Variants in PPP4R1 observed in about 807,000 individuals in gnomAD.
The protein encoded by PPP4R1 is protein phosphatase 4 regulatory subunit 1, also known as serine/threonine-protein phosphatase 4 regulatory subunit 1.
A neutral mutation model predicts 111.2 loss-of-function variants in PPP4R1; 42 were observed. That is an observed-to-expected ratio of 0.38 (90% confidence interval 0.29 to 0.49). The LOEUF (loss-of-function observed/expected upper bound fraction) is 0.49, where lower values mean the gene tolerates loss of function less well. Ranked by LOEUF, PPP4R1 falls within the 20% of genes least tolerant of loss-of-function variation. PPP4R1 has a pLI of 0.97. For missense variants in PPP4R1, 1,012 were observed against 1,161.6 expected, an observed-to-expected ratio of 0.87 and a Z score of 1.87; for synonymous variants, 409 against 405.5, an observed-to-expected ratio of 1.01 and a Z score of -0.10.
Position 9,547,741 on chromosome 18 carries a change from G to A in PPP4R1, c.*48C>T. On this transcript the variant is annotated 3_prime_UTR_variant, in exon 20 of 20. Coordinates refer to ENST00000400556, the MANE Select transcript of PPP4R1 (RefSeq NM_001042388.3). The stretch of plus-strand genomic sequence containing the variant: ...GTCACATGCGTGGCGAATGCCCACT[G>A]AACCTCGGCTCTCATGGAAGCAGGA... 2.5e-6 allele frequency: 4 copies of A among 1,602,444 alleles called. No individual in the cohort carries two copies. Among genetic ancestry groups the A allele is most frequent in the Non-Finnish European group, 3.4e-6 (4 of 1,171,752 alleles).
intron 6 of PPP4R1, 65 bp downstream of exon 6, chr18:9,588,024 G>A: frequency 3.1e-6 from 5 of 1,589,936 alleles, no homozygotes; most frequent in Non-Finnish European, 4.3e-6. Flanking sequence ...ACCCCGGCCT[G>A]ACTTTTAATA....
intron 12 of PPP4R1, among the ~76,000 whole-genome samples, chr18:9,562,751 C>A (rs139964113): frequency 1.4e-3 from 206 of 152,264 alleles, no homozygotes; most frequent in African/African-American, 4.8e-3. Flanking sequence ...TGTGACCATG[C>A]GATTCTGGCA....
intron 15 of PPP4R1, among the ~76,000 whole-genome samples, chr18:9,555,836 G>A (rs79248520): frequency 0.01 from 1,567 of 152,168 alleles, 13 homozygotes; most frequent in Non-Finnish European, 0.018. Context: ...ACAATACTGG[G>A]ACAATCAGAA....
intron 2 of PPP4R1, among the ~76,000 whole-genome samples, chr18:9,610,867 T>TACACACACACACACACACAC (rs60173784): frequency 2.6e-4 from 39 of 149,896 alleles, no homozygotes; most frequent in African/African-American, 8.6e-4. Flanking sequence ...AAATTATGTG[T>TACACACACACACACACACAC]ACACACACAC....
At chr18:9,556,797 C>A (rs1011005274) in intron 15 of PPP4R1, among the ~76,000 whole-genome samples, 2 of 152,134 alleles carry the variant, frequency 1.3e-5, no homozygotes, top group Admixed American at 1.3e-4. Flanking sequence ...TTTGTCCCAA[C>A]CAGATTGAAA....
intron 6 of PPP4R1, 81 bp from the exon 7 acceptor site, chr18:9,584,909 T>C (rs896148635): frequency 2.6e-6 from 3 of 1,155,336 alleles, no homozygotes; most frequent in Non-Finnish European, 2.5e-6. Flanking sequence ...AAGTATATAA[T>C]TTGAGGAAAC....
chr18:9,585,902 T>C (rs1295890806), intron 6 of PPP4R1, among the ~76,000 whole-genome samples: 1 of 152,086 alleles, frequency 6.6e-6, no homozygotes, highest in African/African-American at 2.4e-5. Context: ...ACCATGTTCA[T>C]AGACTGTGAA....
intron 15 of PPP4R1, among the ~76,000 whole-genome samples, chr18:9,556,498 G>GT (rs952958429): frequency 1.3e-5 from 2 of 152,102 alleles, no homozygotes; most frequent in Admixed American, 6.5e-5. Flanking sequence ...CAGCCTCAGT[G>GT]TTTTTTAAAA....
intron 2 of PPP4R1, among the ~76,000 whole-genome samples, chr18:9,605,566 C>CAAAAAAAAAAAAAA (rs34208690): frequency 1.5e-5 from 1 of 67,636 alleles, no homozygotes; most frequent in African/African-American, 5.9e-5. Context: ...GCAGTCCTGT[C>CAAAAAAAAAAAAAA]AAAAAAAAAA....
At chr18:9,610,833 A>C (rs190825436) in intron 2 of PPP4R1, among the ~76,000 whole-genome samples, 1 of 151,576 alleles carries the variant, frequency 6.6e-6, no homozygotes, top group African/African-American at 2.4e-5. Flanking sequence ...TAAAAGTTTA[A>C]GTTCTAATGA....
Position 9,570,431 on chromosome 18 carries a change from C to T in PPP4R1, c.1299G>A (p.Met433Ile), listed in dbSNP as rs751875798. 1.2e-6 allele frequency: 2 copies of T among 1,614,174 alleles called. No individual in the cohort carries two copies. Among genetic ancestry groups the T allele is most frequent in the Admixed American group, 1.7e-5 (1 of 60,030 alleles). ...AAGTGGTGCCAACCTCTGGTCGTAACATAGATTTGTAGTTACCAGGTTTTT... is the reference window on the plus strand; with the variant it reads ...AAGTGGTGCCAACCTCTGGTCGTAATATAGATTTGTAGTTACCAGGTTTTT... ...NDKKPGNYKS[M>I]LRPEVGTTSQ... Residue 433 changes from methionine (M) to isoleucine (I), a missense_variant, in exon 11 of 20, where the codon ATG becomes ATA. By Grantham distance (10) the Met-to-Ile change is conservative (BLOSUM62 1). Around this residue, in one of 2 missense-constraint regions of PPP4R1, gnomAD observed 707 missense variants for 742.1 expected, o/e 0.95. Coordinates refer to ENST00000400556, the MANE Select transcript of PPP4R1 (RefSeq NM_001042388.3).
chr18:9,580,458 T>A (rs1021615093), intron 9 of PPP4R1, among the ~76,000 whole-genome samples: 3 of 151,760 alleles, frequency 2.0e-5, no homozygotes, highest in Non-Finnish European at 4.4e-5. Flanking sequence ...CACGCCATTC[T>A]CCTGCCTCAG....
At position 9,548,872 on chromosome 18, in the gene PPP4R1, C is replaced by G. The variant is rs148719803; in HGVS notation, c.2689+325G>C. 6.2e-4 allele frequency among the ~76,000 whole-genome samples: 94 copies of G among 152,300 alleles called. 1 individual carries two copies. In the East Asian group the frequency reaches 0.017, roughly 28 times the overall value. Reference sequence around the variant, plus strand: ...GGCAGAGGTTACAGTGAGCTGAGATCGCACCATTGCACTCCAGCCTGGGTG... The same window carrying G: ...GGCAGAGGTTACAGTGAGCTGAGATGGCACCATTGCACTCCAGCCTGGGTG... On this transcript the variant is annotated intron_variant, in intron 19 of 19. Coordinates refer to ENST00000400556, the MANE Select transcript of PPP4R1 (RefSeq NM_001042388.3).
Position 9,583,268 on chromosome 18 carries a change from C to G in PPP4R1, c.767G>C (p.Arg256Thr). The change falls in exon 9 of 20, where the codon AGA becomes ACA. Residue 256 changes from arginine to threonine, a missense_variant. Arg to Thr is a moderately conservative substitution (Grantham distance 71). Transcript: ENST00000400556. ...QQATEEMLLP[R>T]FFQLCSDNVW... ...ATTATCAGAACAAAGCTGGAAAAATCTGGGCAGCTATGTGAAAAGGAAAGA... is the reference window on the plus strand; with the variant it reads ...ATTATCAGAACAAAGCTGGAAAAATGTGGGCAGCTATGTGAAAAGGAAAGA... 6.4e-7 allele frequency: 1 copy of G among 1,567,856 alleles called. No homozygotes were observed. The highest frequency in any genetic ancestry group is 1.2e-5 in the South Asian group (1 of 85,236).
chr18:9,593,727 G>C lies in PPP4R1; in HGVS notation c.295+41C>G, dbSNP rs778876199. The C allele has an allele frequency of 9.8e-6, 15 of 1,534,874 alleles. 1 individual carries two copies. In the Admixed American group the frequency reaches 2.6e-4, roughly 26 times the overall value. ...TAGAAACACAAATTTGATCAAAGAA[G>C]CCTTTCTAGAATAGAGTAAATTCAC... On this transcript the variant is annotated intron_variant, in intron 4 of 19. Coordinates refer to ENST00000400556, the MANE Select transcript of PPP4R1 (RefSeq NM_001042388.3).
chr18:9,560,373 T>C (rs1026378866), intron 13 of PPP4R1, among the ~76,000 whole-genome samples: 6 of 152,110 alleles, frequency 3.9e-5, no homozygotes, highest in East Asian at 1.9e-4. Context: ...TTAGTATATA[T>C]GTGAGGAAAA....
rs564878563 is a variant in PPP4R1, at chr18:9,564,750, C to G, written c.1574-1200G>C. 7.0e-5 allele frequency among the ~76,000 whole-genome samples: 10 copies of G among 143,296 alleles called. No individual in the cohort carries two copies. In the South Asian group the frequency reaches 2.4e-3, roughly 34 times the overall value. 94.0% of individuals were successfully genotyped at this position (143,296 alleles called of 152,430 possible). On this transcript the variant is annotated intron_variant, in intron 11 of 19. Coordinates refer to ENST00000400556, the MANE Select transcript of PPP4R1 (RefSeq NM_001042388.3). The stretch of plus-strand genomic sequence containing the variant: ...TGTGTGTGTGTGTGGGGGTATCATC[C>G]CCCATCCATTCTGTTCCCTGGAAAG...
intron 15 of PPP4R1, 56 bp downstream of exon 15, chr18:9,557,165 A>G (rs1187200995): frequency 6.8e-7 from 1 of 1,468,454 alleles, no homozygotes; most frequent in Non-Finnish European, 9.2e-7. Flanking sequence ...GAAGATAAAG[A>G]TTTAGATTAC....
chr18:9,561,259 A>T (rs1479657284), intron 13 of PPP4R1, among the ~76,000 whole-genome samples: 17 of 145,468 alleles, frequency 1.2e-4, no homozygotes, highest in Non-Finnish European at 2.3e-4. Context: ...TAATAATAAT[A>T]ATAAAGTCAT....
Sources: allele counts gnomAD v4.1 joint callset (sites outside exome capture counted in the v4.1 genomes callset), GRCh38; gene constraint gnomAD v4.1.1; regional missense constraint gnomAD v4.1.1; transcripts MANE v1.5; gene names NCBI Gene and HGNC (gene_info 2026-07-23, HGNC 2026-07-21).